The following TTLL7 variants were observed in gnomAD, a reference collection of about 807,000 sequenced individuals.
The protein encoded by TTLL7 is tubulin polyglutamylase TTLL7.
In TTLL7, 53 loss-of-function variants were observed where a neutral mutation model predicts 120.2. That is an observed-to-expected ratio of 0.44 (90% CI 0.35 to 0.55). The LOEUF (loss-of-function observed/expected upper bound fraction) is 0.55, where lower values mean the gene tolerates loss of function less well. Among genes scored for constraint, TTLL7 ranks in the 20% least tolerant of loss-of-function variants. The probability of loss-of-function intolerance (pLI) is 0.00; values close to 1 mark genes in which losing one functional copy is unlikely to be tolerated. For synonymous variants in TTLL7, 353 were observed against 351.7 expected (o/e 1.00, Z -0.04); for missense variants, 803 against 1,054.7 (o/e 0.76, Z 3.31).
rs543259317 is a variant in TTLL7, at chr1:83,914,523, G to A, written c.1587+3081C>T. On this transcript the variant is annotated intron_variant, in intron 14 of 20. Coordinates refer to ENST00000260505, the MANE Select transcript of TTLL7 (RefSeq NM_024686.6). ...ATTTTTGTATTTTTAGTAGAGACGG[G>A]GTTTCACCATGTTGGCCAGGATTGT... Among the ~76,000 whole-genome samples, 453 of 151,870 alleles carry A rather than the reference G, an allele frequency of 3.0e-3. 1 individual carries two copies. Among genetic ancestry groups the A allele is most frequent in the African/African-American group, 0.01 (433 of 41,432 alleles).
At chr1:83,961,154 A>G (rs970971983) in intron 1 of TTLL7, among the ~76,000 whole-genome samples, 4 of 152,146 alleles carry the variant, frequency 2.6e-5, no homozygotes, top group African/African-American at 9.6e-5. Context: ...GCTGTAGCCT[A>G]TTCCCAGAGC....
chr1:83,907,383 T>A, intron 16 of TTLL7, 73 bp downstream of exon 16: 1 of 1,338,826 alleles, frequency 7.5e-7, no homozygotes. Flanking sequence ...CAGTCTGTCC[T>A]CCTCTCATCT....
intron 19 of TTLL7, among the ~76,000 whole-genome samples, chr1:83,883,756 G>T (rs1052529307): frequency 6.6e-6 from 1 of 151,990 alleles, no homozygotes; most frequent in Non-Finnish European, 1.5e-5. Context: ...CCCTTGAAAT[G>T]ACTAAAAAGT....
intron 10 of TTLL7, among the ~76,000 whole-genome samples, chr1:83,927,925 A>G (rs1394387701): frequency 6.6e-6 from 1 of 152,186 alleles, no homozygotes; most frequent in African/African-American, 2.4e-5. Context: ...GCACTTCTGA[A>G]GCATAAGCCT....
In TTLL7 at chr1:83,870,092, A is replaced by G. The variant is rs888474438; in HGVS notation, c.2544-10T>C. The G allele has an allele frequency of 2.0e-6, 3 of 1,537,498 alleles. No individual in the cohort carries two copies. Among genetic ancestry groups the G allele is most frequent in the Non-Finnish European group, 2.6e-6 (3 of 1,151,298 alleles). ...CCCTGGTAGTAAATACCTAAAAATG[A>G]TGGTTAACAAATTAGATTTTTACAA... On this transcript the variant is annotated splice_polypyrimidine_tract_variant and intron_variant, in intron 20 of 20. Transcript: ENST00000260505.
At chr1:83,974,036 C>A (rs1277767856) in intron 1 of TTLL7, among the ~76,000 whole-genome samples, 1 of 151,884 alleles carries the variant, frequency 6.6e-6, no homozygotes, top group Non-Finnish European at 1.5e-5. Context: ...TGTTTTACCT[C>A]AAATTTTTTT....
chr1:83,978,009 T>C (rs546763008), intron 1 of TTLL7, among the ~76,000 whole-genome samples: 5 of 152,282 alleles, frequency 3.3e-5, no homozygotes, highest in African/African-American at 1.2e-4. Context: ...CTCATTTTAG[T>C]CCATTAGGTT....
At chr1:83,884,341 T>A (rs2100713200) in intron 19 of TTLL7, among the ~76,000 whole-genome samples, 1 of 151,932 alleles carries the variant, frequency 6.6e-6, no homozygotes, top group African/African-American at 2.4e-5. Flanking sequence ...GGAAGTAAAC[T>A]TACCAATGGG....
rs75407977 is a variant in TTLL7, at chr1:83,879,620, C to G, written c.2543+3343G>C. On this transcript the variant is annotated intron_variant, in intron 20 of 20. Coordinates refer to ENST00000260505, the MANE Select transcript of TTLL7 (RefSeq NM_024686.6). The stretch of plus-strand genomic sequence containing the variant: ...ACTTGGCTCACAGCTACACCATGTC[C>G]CCTAATGTAACTTTTATCAGCAATA... Among the ~76,000 whole-genome samples, 200 of 152,026 alleles carry G rather than the reference C, an allele frequency of 1.3e-3. 5 individuals carry two copies. In the East Asian group the frequency reaches 0.034, roughly 26 times the overall value.
intron 1 of TTLL7, among the ~76,000 whole-genome samples, chr1:83,959,717 A>G (rs1279048418): frequency 6.6e-6 from 1 of 152,158 alleles, no homozygotes; most frequent in Non-Finnish European, 1.5e-5. Flanking sequence ...ACCTCTATGG[A>G]TAGTAAAAAA....
intron 18 of TTLL7, among the ~76,000 whole-genome samples, chr1:83,903,024 C>T (rs1361141290): frequency 1.3e-5 from 2 of 151,900 alleles, no homozygotes; most frequent in Non-Finnish European, 2.9e-5. Context: ...TCCCCCGGTT[C>T]TATTCTTCAC....
intron 18 of TTLL7, among the ~76,000 whole-genome samples, chr1:83,897,692 G>A (rs892383004): frequency 2.0e-5 from 3 of 151,664 alleles, no homozygotes; most frequent in Non-Finnish European, 4.4e-5. Context: ...CTTTGTTCTG[G>A]GCTCCCCATC....
At chr1:83,891,756 A>G (rs1002714804) in intron 18 of TTLL7, among the ~76,000 whole-genome samples, 3 of 152,094 alleles carry the variant, frequency 2.0e-5, no homozygotes, top group Admixed American at 6.6e-5. Context: ...TGAATCAAAT[A>G]TAACACACAA....
intron 20 of TTLL7, among the ~76,000 whole-genome samples, chr1:83,876,095 TA>T (rs1352683492): frequency 1.3e-5 from 2 of 151,926 alleles, no homozygotes; most frequent in Non-Finnish European, 2.9e-5. Flanking sequence ...GGTTTTCATT[TA>T]TGGTGTAGGT....
chr1:83,985,653 C>T (rs12731827), intron 1 of TTLL7, among the ~76,000 whole-genome samples: 40 of 152,030 alleles, frequency 2.6e-4, no homozygotes, highest in Non-Finnish European at 4.6e-4. Context: ...AGTTCGAGAC[C>T]AACCTGGGCA....
At chr1:83,985,113 A>G (rs1009557409) in intron 1 of TTLL7, among the ~76,000 whole-genome samples, 1 of 152,158 alleles carries the variant, frequency 6.6e-6, no homozygotes, top group Non-Finnish European at 1.5e-5. Context: ...AAGTCCCACA[A>G]TAGGCCGCCT....
intron 19 of TTLL7, among the ~76,000 whole-genome samples, chr1:83,884,901 G>T (rs574210652): frequency 3.3e-5 from 5 of 151,776 alleles, no homozygotes; most frequent in Non-Finnish European, 5.9e-5. Context: ...AAATACTGGG[G>T]TTTTTTAATT....
At chr1:83,956,764 C>T (rs931366437) in intron 1 of TTLL7, among the ~76,000 whole-genome samples, 3 of 152,112 alleles carry the variant, frequency 2.0e-5, no homozygotes, top group African/African-American at 7.2e-5. Flanking sequence ...AAGCAAAGTA[C>T]ATAGAAGTTT....
chr1:83,919,479 CATA>C (rs889125979), intron 13 of TTLL7, among the ~76,000 whole-genome samples: 1 of 152,032 alleles, frequency 6.6e-6, no homozygotes, highest in African/African-American at 2.4e-5. Context: ...GATATTACAA[CATA>C]ATATCACAAT....
Sources: gnomAD v4.1 joint callset for allele counts (sites outside exome capture counted in the v4.1 genomes callset) on GRCh38, gnomAD v4.1.1 for gene constraint, MANE v1.5 for transcripts, NCBI Gene and HGNC (gene_info 2026-07-23, HGNC 2026-07-21) for gene names.